The following RIMKLB variants were observed in gnomAD, a reference collection of about 807,000 sequenced individuals.
RIMKLB encodes the protein ribosomal modification protein rimK like family member B, also known as beta-citrylglutamate synthase B.
In RIMKLB, 7 loss-of-function variants were observed where a neutral mutation model predicts 32.0. That is an observed-to-expected ratio of 0.22 (90% CI 0.12 to 0.41). The LOEUF (loss-of-function observed/expected upper bound fraction) is 0.41, where lower values mean the gene tolerates loss of function less well. RIMKLB is among the 10% of genes least tolerant of loss of function. RIMKLB has a pLI of 1.00. For missense variants in RIMKLB, 289 were observed against 498.7 expected, an observed-to-expected ratio of 0.58 and a Z score of 4.00; for synonymous variants, 172 against 185.1, an observed-to-expected ratio of 0.93 and a Z score of 0.57.
At chr12:8,780,502 TAAAC>T (rs777918547), downstream of RIMKLB, 25 of 152,328 alleles carry the variant, frequency 1.6e-4, no homozygotes, top group East Asian at 7.7e-4. Flanking sequence ...TACGAAATGT[TAAAC>T]AAAGGAATTT....
At chr12:8,727,175 A>C (rs1220405728) in intron 2 of RIMKLB, among the ~76,000 whole-genome samples, 1 of 152,238 alleles carries the variant, frequency 6.6e-6, no homozygotes, top group African/African-American at 2.4e-5. Context: ...ACACACACAC[A>C]CACAGAGTGA....
intron 1 of RIMKLB, among the ~76,000 whole-genome samples, chr12:8,710,854 A>G (rs1199685168): frequency 6.6e-6 from 1 of 150,880 alleles, no homozygotes; most frequent in African/African-American, 2.4e-5. Flanking sequence ...TTGGCAAGGC[A>G]TGGTGGCTCA....
At position 8,774,523 on chromosome 12, in the gene RIMKLB, ATT is replaced by A; in HGVS notation, c.*741_*742del. Reference sequence around the variant, plus strand: ...GTTTAAAATATGTGCATTCACTTGTATTTGTTAGTGTTTTAGTCTTTTTTGAA... The same window carrying A: ...GTTTAAAATATGTGCATTCACTTGTATGTTAGTGTTTTAGTCTTTTTTGAA... On this transcript the variant is annotated 3_prime_UTR_variant, in exon 6 of 6. Transcript: ENST00000535829. 1 of 975,516 alleles carries A rather than the reference ATT, an allele frequency of 1.0e-6. No homozygotes were observed. Among genetic ancestry groups the A allele is most frequent in the Non-Finnish European group, 1.2e-6 (1 of 822,254 alleles). 60.4% of individuals were successfully genotyped at this position (975,516 alleles called of 1,614,324 possible). A position where few individuals can be genotyped will look rare whatever the true frequency, so the allele number is the denominator to read the frequency against.
chr12:8,768,407 A>G (rs1009401764), intron 5 of RIMKLB, among the ~76,000 whole-genome samples: 1 of 152,216 alleles, frequency 6.6e-6, no homozygotes, highest in African/African-American at 2.4e-5. Flanking sequence ...GTGCAGTTGC[A>G]TGATTTAATA....
intron 2 of RIMKLB, among the ~76,000 whole-genome samples, chr12:8,733,534 T>C (rs1457732011): frequency 3.3e-5 from 5 of 152,086 alleles, no homozygotes; most frequent in Non-Finnish European, 7.4e-5. Flanking sequence ...GAAACTAGAA[T>C]AAGTTGAGAT....
Position 8,774,087 on chromosome 12 carries a change from T to G in RIMKLB, c.*303T>G, listed in dbSNP as rs1950592368. On this transcript the variant is annotated 3_prime_UTR_variant, in exon 6 of 6. Coordinates refer to ENST00000535829, the MANE Select transcript of RIMKLB (RefSeq NM_001297776.2). ...CATAGGCCATGAGGAACAAATACTT[T>G]TTTTTTTTCATGGTCCCTTGCTTTT... is the stretch of plus-strand genomic sequence containing the variant. 1 of 1,080,628 alleles carries G rather than the reference T, an allele frequency of 9.3e-7. No individual in the cohort carries two copies. The highest frequency in any genetic ancestry group is 1.1e-6 in the Non-Finnish European group (1 of 890,422). 66.9% of individuals were successfully genotyped at this position (1,080,628 alleles called of 1,614,324 possible). A position where few individuals can be genotyped will look rare whatever the true frequency, so the allele number is the denominator to read the frequency against.
chr12:8,762,726 C>A (rs1374572034), intron 5 of RIMKLB, among the ~76,000 whole-genome samples: 1 of 152,142 alleles, frequency 6.6e-6, no homozygotes, highest in African/African-American at 2.4e-5. Flanking sequence ...GTTAGTTCTG[C>A]CAGCTGAGCG....
At chr12:8,770,913 T>G (rs1173390029) in intron 5 of RIMKLB, among the ~76,000 whole-genome samples, 1 of 152,236 alleles carries the variant, frequency 6.6e-6, no homozygotes, top group East Asian at 1.9e-4. Flanking sequence ...ATTAATTTGC[T>G]ACAGCAACTC....
At chr12:8,727,633 C>T (rs1946152522) in intron 2 of RIMKLB, among the ~76,000 whole-genome samples, 1 of 152,116 alleles carries the variant, frequency 6.6e-6, no homozygotes, top group African/African-American at 2.4e-5. Flanking sequence ...TTGGCCGGAC[C>T]TTGTTGGCTC....
intron 2 of RIMKLB, among the ~76,000 whole-genome samples, chr12:8,735,678 CAT>C (rs2137382780): frequency 6.6e-6 from 1 of 151,566 alleles, no homozygotes; most frequent in South Asian, 2.1e-4. Flanking sequence ...TGTTTAATGA[CAT>C]ATTTATGGGA....
rs775450394 is a variant in RIMKLB at position 8,753,884 on chromosome 12, T to C, written c.494-6T>C. ...TAACATGTATTTTTATTCTTTTCAA[T>C]CATAGGTAAAGCTGTTTTCTTGGCT... On this transcript the variant is annotated splice_polypyrimidine_tract_variant and splice_region_variant and intron_variant, in intron 4 of 5. Transcript: ENST00000535829. 4 of 1,611,880 alleles carry C rather than the reference T, an allele frequency of 2.5e-6. No individual in the cohort carries two copies. The highest frequency in any genetic ancestry group is 3.4e-6 in the Non-Finnish European group (4 of 1,178,002).
chr12:8,716,820 T>C (rs749425748), intron 2 of RIMKLB, among the ~76,000 whole-genome samples: 32 of 141,706 alleles, frequency 2.3e-4, no homozygotes, highest in East Asian at 7.0e-4. Context: ...CACTGCAGCC[T>C]CAACTTCCCA....
rs925411731 is a variant in RIMKLB at position 8,711,250 on chromosome 12, T to A, written c.-56-2561T>A. ...CTCCATCTCAAGGAAAAAAAAAAAA[T>A]TAGCCTGATGTGATTTGCTCCTGTC... On this transcript the variant is annotated intron_variant, in intron 1 of 5. Coordinates refer to ENST00000535829, the MANE Select transcript of RIMKLB (RefSeq NM_001297776.2). Among the ~76,000 whole-genome samples the A allele has an allele frequency of 7.8e-4, 116 of 148,922 alleles. 2 individuals carry two copies. The highest frequency in any genetic ancestry group is 7.7e-3 in the Admixed American group (116 of 15,022).
At chr12:8,734,269 A>G (rs988889534) in intron 2 of RIMKLB, among the ~76,000 whole-genome samples, 1 of 152,226 alleles carries the variant, frequency 6.6e-6, no homozygotes, top group African/African-American at 2.4e-5. Context: ...AAATTCAGAA[A>G]TATAAGGGTT....
At chr12:8,675,622 A>T in the RIMKLB span, among the ~76,000 whole-genome samples, 1 of 152,214 alleles carries the variant, frequency 6.6e-6, no homozygotes, top group African/African-American at 2.4e-5. Context: ...ACTCCAAAAG[A>T]AGGAAGTCAG....
chr12:8,766,976 G>A (rs988965755), intron 5 of RIMKLB, among the ~76,000 whole-genome samples: 1 of 152,192 alleles, frequency 6.6e-6, no homozygotes, highest in East Asian at 1.9e-4. Flanking sequence ...TGCCGCTACC[G>A]ACTGAATGCA....
chr12:8,765,868 G>C (rs1455547590), intron 5 of RIMKLB, among the ~76,000 whole-genome samples: 2 of 152,062 alleles, frequency 1.3e-5, no homozygotes, highest in African/African-American at 4.8e-5. Context: ...AAGAAAGTTT[G>C]TACATATGGC....
At chr12:8,755,140 C>CG (rs1442804253) in intron 5 of RIMKLB, among the ~76,000 whole-genome samples, 5 of 152,060 alleles carry the variant, frequency 3.3e-5, no homozygotes, top group African/African-American at 4.8e-5. Context: ...TTAGTAAAGA[C>CG]GGAGTTTCAC....
Position 8,754,008 on chromosome 12 carries a change from ACG to A in RIMKLB, c.613_614del (p.Arg205CysfsTer38), listed in dbSNP as rs767365235. 6.2e-7 allele frequency: 1 copy of A among 1,614,016 alleles called. No individual in the cohort carries two copies. Among genetic ancestry groups the A allele is most frequent in the Non-Finnish European group, 8.5e-7 (1 of 1,179,876 alleles). On this transcript the variant is annotated frameshift_variant, in exon 5 of 6. Transcript: ENST00000535829. LOFTEE classifies it high-confidence loss of function. ...TTAAAGAGTCTCATGGACGGGATGT[ACG>A]TGTCATTGTCGTGGGAGGCCGTGTG... ...YVKESHGRDV[R>X]VIVVGGRVVG...
Sources: gnomAD v4.1 joint callset for allele counts (sites outside exome capture counted in the v4.1 genomes callset) on GRCh38, gnomAD v4.1.1 for gene constraint, MANE v1.5 for transcripts, NCBI Gene and HGNC (gene_info 2026-07-23, HGNC 2026-07-21) for gene names.